The following CDH13 variants were observed in gnomAD, a reference collection of about 807,000 sequenced individuals.
CDH13 encodes the protein cadherin-13.
CDH13 carries 24 observed loss-of-function variants against 63.8 expected under a neutral mutation model. The observed-to-expected ratio is 0.38, with a 90% CI of 0.27 to 0.53. The LOEUF is 0.53. CDH13 is among the 20% of genes least tolerant of loss of function. The probability of loss-of-function intolerance (pLI) is 0.85; values close to 1 mark genes in which losing one functional copy is unlikely to be tolerated. For missense variants in CDH13, 1,049 were observed against 903.1 expected (o/e 1.16, Z -2.07); for synonymous variants, 503 against 355.3 (o/e 1.42, Z -4.67).
chr16:83,266,482 G>A (rs903245993), intron 5 of CDH13, among the ~76,000 whole-genome samples: 2 of 152,142 alleles, frequency 1.3e-5, no homozygotes, highest in Admixed American at 6.5e-5. Context: ...TAACATCTGT[G>A]TCCAAGTCAG....
At chr16:83,513,657 G>C (rs1298331354) in intron 7 of CDH13, among the ~76,000 whole-genome samples, 1 of 152,104 alleles carries the variant, frequency 6.6e-6, no homozygotes, top group Non-Finnish European at 1.5e-5. Context: ...GAGATCTCTT[G>C]AAAACTCATT....
At chr16:82,849,095 A>G (rs568581724) in intron 1 of CDH13, among the ~76,000 whole-genome samples, 2 of 152,306 alleles carry the variant, frequency 1.3e-5, no homozygotes, top group East Asian at 3.9e-4. Flanking sequence ...CAAGGCCTTA[A>G]CTCTATTCAA....
chr16:82,890,018 C>T (rs886307150), intron 2 of CDH13, among the ~76,000 whole-genome samples: 13 of 152,206 alleles, frequency 8.5e-5, no homozygotes, highest in Non-Finnish European at 1.3e-4. Context: ...TTTGTGACTA[C>T]ATGGTTTCAG....
intron 6 of CDH13, among the ~76,000 whole-genome samples, chr16:83,459,075 C>T (rs543059680): frequency 6.6e-6 from 1 of 152,160 alleles, no homozygotes; most frequent in Non-Finnish European, 1.5e-5. Context: ...CCAAGATGGC[C>T]AACAGCACAA....
At chr16:83,193,017 C>T (rs1436893922) in intron 4 of CDH13, among the ~76,000 whole-genome samples, 1 of 152,094 alleles carries the variant, frequency 6.6e-6, no homozygotes, top group Admixed American at 6.6e-5. Context: ...GGCTGCCCAT[C>T]ATGGGTGACG....
chr16:82,977,177 C>A (rs995279678), intron 2 of CDH13, among the ~76,000 whole-genome samples: 1 of 152,160 alleles, frequency 6.6e-6, no homozygotes, highest in African/African-American at 2.4e-5. Context: ...TGCCCTTGGC[C>A]CTGCTCTCTC....
intron 5 of CDH13, among the ~76,000 whole-genome samples, chr16:83,293,847 C>A (rs906858587): frequency 6.6e-6 from 1 of 152,166 alleles, no homozygotes; most frequent in Non-Finnish European, 1.5e-5. Flanking sequence ...ATAGGAATAA[C>A]AATCAGAGCC....
rs147155582 is a variant in CDH13 at position 83,122,517 on chromosome 16, G to A, written c.367-2868G>A. 1.1e-4 allele frequency among the ~76,000 whole-genome samples: 17 copies of A among 152,226 alleles called. No homozygotes were observed. The East Asian group carries it at 3.1e-3, about 28-fold the overall frequency. On this transcript the variant is annotated intron_variant, in intron 3 of 13. Coordinates refer to ENST00000567109, the MANE Select transcript of CDH13 (RefSeq NM_001257.5). Reference sequence around the variant, plus strand: ...ACTTGGAGAGTGCATTCCAACAGTTGCCCCACTGATCATATAATAACAACA... The same window carrying A: ...ACTTGGAGAGTGCATTCCAACAGTTACCCCACTGATCATATAATAACAACA...
rs1424971440 is a variant in CDH13, at chr16:83,797,159, A to G, written c.*2129A>G. ...GGAGAACGTTCATCCTTGAACAAAC[A>G]AAGAGCATCCTCAGCCAGTCAGGCG... On this transcript the variant is annotated 3_prime_UTR_variant, in exon 14 of 14. Transcript: ENST00000567109. 1 of 152,258 alleles carries G rather than the reference A, an allele frequency of 6.6e-6. No individual in the cohort carries two copies. The highest frequency in any genetic ancestry group is 1.5e-5 in the Non-Finnish European group (1 of 68,050). The allele number at this position is 152,258 out of a possible 1,614,324, so 9.4% of individuals were successfully genotyped here. A position where few individuals can be genotyped will look rare whatever the true frequency, so the allele number is the denominator to read the frequency against.
chr16:82,738,346 C>G (rs1366922983), intron 1 of CDH13, among the ~76,000 whole-genome samples: 1 of 152,186 alleles, frequency 6.6e-6, no homozygotes, highest in African/African-American at 2.4e-5. Context: ...ATTTGTGTTC[C>G]TGTCAAACTC....
intron 8 of CDH13, among the ~76,000 whole-genome samples, chr16:83,653,907 G>A (rs940691295): frequency 6.6e-6 from 1 of 152,160 alleles, no homozygotes; most frequent in Non-Finnish European, 1.5e-5. Flanking sequence ...TTTGTGGAAT[G>A]TACAGACAGG....
intron 1 of CDH13, among the ~76,000 whole-genome samples, chr16:82,630,908 C>T (rs1907928367): frequency 6.6e-6 from 1 of 152,154 alleles, no homozygotes; most frequent in Non-Finnish European, 1.5e-5. Flanking sequence ...AAGAGGGCTC[C>T]ATCCACAGCA....
At chr16:83,644,054 C>A (rs907060029) in intron 8 of CDH13, among the ~76,000 whole-genome samples, 2 of 152,224 alleles carry the variant, frequency 1.3e-5, no homozygotes, top group Non-Finnish European at 2.9e-5. Flanking sequence ...AGATCAGCCC[C>A]CGCCAGCTCC....
intron 1 of CDH13, among the ~76,000 whole-genome samples, chr16:82,818,299 A>C (rs2037825718): frequency 6.6e-6 from 1 of 152,174 alleles, no homozygotes. Context: ...GTAGCTAGTA[A>C]GTTGTGAAGC....
At chr16:83,347,557 A>G (rs1269442672) in intron 6 of CDH13, among the ~76,000 whole-genome samples, 2 of 152,202 alleles carry the variant, frequency 1.3e-5, no homozygotes, top group African/African-American at 2.4e-5. Context: ...ACTGTGTGCC[A>G]GCAGCCATAT....
intron 3 of CDH13, among the ~76,000 whole-genome samples, chr16:83,044,112 C>T (rs1372714948): frequency 6.6e-6 from 1 of 152,278 alleles, no homozygotes; most frequent in South Asian, 2.1e-4. Context: ...GGCCTTAGAG[C>T]CCCTCACACA....
At chr16:83,324,323 C>G (rs1329978301) in intron 5 of CDH13, among the ~76,000 whole-genome samples, 1 of 152,200 alleles carries the variant, frequency 6.6e-6, no homozygotes, top group Non-Finnish European at 1.5e-5. Flanking sequence ...GCATGAGCCA[C>G]TGCTCCCGGC....
intron 11 of CDH13, among the ~76,000 whole-genome samples, chr16:83,769,726 G>A (rs1914635319): frequency 6.6e-6 from 1 of 152,114 alleles, no homozygotes; most frequent in South Asian, 2.1e-4. Context: ...GGAGTTCCGT[G>A]GAGATGTGCT....
chr16:83,383,002 A>C (rs1002042321), intron 6 of CDH13: 3 of 152,250 alleles, frequency 2.0e-5, no homozygotes, highest in African/African-American at 7.2e-5. Context: ...TGAAAGAGCT[A>C]AAGTGCAGAA....
Sources: allele counts gnomAD v4.1 joint callset (sites outside exome capture counted in the v4.1 genomes callset), GRCh38; gene constraint gnomAD v4.1.1; transcripts MANE v1.5; gene names NCBI Gene and HGNC (gene_info 2026-07-23, HGNC 2026-07-21).